PRDM7: variants seen among roughly 807,000 people sequenced by gnomAD.
The protein encoded by PRDM7 is PR/SET domain 7.
A neutral mutation model predicts 64.3 loss-of-function variants in PRDM7; 52 were observed. The observed-to-expected ratio is 0.81, with a 90% CI of 0.65 to 1.02. PRDM7 has a LOEUF of 1.02. PRDM7 is among the 50% of genes least tolerant of loss of function. The pLI, the probability that PRDM7 is intolerant of heterozygous loss-of-function variation, is 0.00. For synonymous variants in PRDM7, 192 were observed against 210.1 expected, an observed-to-expected ratio of 0.91 and a Z score of 0.74; for missense variants, 574 against 597.1, an observed-to-expected ratio of 0.96 and a Z score of 0.40.
intron 7 of PRDM7, 76 bp from the exon 8 acceptor site, chr16:90,062,268 G>A: frequency 6.2e-7 from 1 of 1,613,948 alleles, no homozygotes; most frequent in Non-Finnish European, 8.5e-7. Flanking sequence ...AAAGAGCGTG[G>A]CACTCACATT....
chr16:90,063,962 T>C (rs2037828522), intron 5 of PRDM7, among the ~76,000 whole-genome samples, 194 bp from the exon 6 acceptor site: 1 of 152,214 alleles, frequency 6.6e-6, no homozygotes, highest in Admixed American at 6.5e-5. Flanking sequence ...TAAGGCTCTT[T>C]CCTTCAACTT....
chr16:90,058,858 C>T (rs995088990), intron 10 of PRDM7, among the ~76,000 whole-genome samples: 6 of 152,182 alleles, frequency 3.9e-5, no homozygotes, highest in African/African-American at 1.4e-4. Context: ...CAGGTATCTT[C>T]CAAGTCCTGT....
At chr16:90,066,018 A>C (rs1488837754) in intron 5 of PRDM7, among the ~76,000 whole-genome samples, 2 of 151,250 alleles carry the variant, frequency 1.3e-5, no homozygotes, top group African/African-American at 4.9e-5. Context: ...ATAATTCCAA[A>C]TAACATGACA....
rs565913809 is a variant in PRDM7, at chr16:90,061,934, C to T, written c.869G>A (p.Gly290Glu). The change falls in exon 8 of 11, where the codon GGA (glycine) becomes GAA (glutamate). Residue 290 changes from glycine to glutamate, a missense_variant. Physicochemically the swap from Gly to Glu is moderately conservative, Grantham distance 98. Coordinates refer to ENST00000449207, the MANE Select transcript of PRDM7 (RefSeq NM_001098173.2). ...ITEDEEAANS[G>E]YSWLITKGRN... Reference sequence around the variant, plus strand: ...GGCTCTTCTTACTAGCCAGGAATATCCACTGTTGGCTGCCTCTTCGTCTTC... The same window carrying T: ...GGCTCTTCTTACTAGCCAGGAATATTCACTGTTGGCTGCCTCTTCGTCTTC... 10 of 1,614,268 alleles carry T rather than the reference C, an allele frequency of 6.2e-6. No homozygotes were observed. The highest frequency in any genetic ancestry group is 3.3e-5 in the South Asian group (3 of 91,082).
At position 90,061,459 on chromosome 16, in the gene PRDM7, A is replaced by C. The variant is rs761127755; in HGVS notation, c.943T>G (p.Trp315Gly). 6.2e-7 allele frequency: 1 copy of C among 1,600,080 alleles called. No individual in the cohort carries two copies. Reference sequence around the variant, plus strand: ...GAGACCTAGTGGCCTTACCTCATCCAGTTGGCCGAGGATTTATCTTTTCCA... The same window carrying C: ...GAGACCTAGTGGCCTTACCTCATCCCGTTGGCCGAGGATTTATCTTTTCCA... ...VDGKDKSSAN[W>G]MRYVNCARDD... The change falls in exon 9 of 11, where the codon TGG becomes GGG. Residue 315 changes from tryptophan (W) to glycine (G), a missense_variant. Physicochemically the swap from Trp to Gly is radical, Grantham distance 184. Transcript: ENST00000449207.
intron 8 of PRDM7, 68 bp downstream of exon 8, chr16:90,061,853 G>A: frequency 6.3e-7 from 1 of 1,598,402 alleles, no homozygotes; most frequent in Non-Finnish European, 8.6e-7. Flanking sequence ...TGTAGAAGGT[G>A]ATGTCCCATC....
chr16:90,063,678 C>T lies in PRDM7; in HGVS notation c.442G>A (p.Ala148Thr). 6.2e-7 allele frequency: 1 copy of T among 1,614,142 alleles called. No homozygotes were observed. Among genetic ancestry groups the T allele is most frequent in the Non-Finnish European group, 8.5e-7 (1 of 1,180,032 alleles). ...CCAGGAGGGGACACTGGTTTCTGAG[C>T]CTGCTCTGAGTCACTTGTATTCAGT... ...NLLNTSDSEQ[A>T]QKPVSPPGEA... The change falls in exon 6 of 11, where the codon GCT (alanine) becomes ACT (threonine). Residue 148 changes from alanine to threonine, a missense_variant. Physicochemically the swap from Ala to Thr is moderately conservative, Grantham distance 58 (BLOSUM62 0). Coordinates refer to ENST00000449207, the MANE Select transcript of PRDM7 (RefSeq NM_001098173.2).
At chr16:90,063,071 T>TCCA (rs1290512823) in intron 6 of PRDM7, among the ~76,000 whole-genome samples, 2 of 152,218 alleles carry the variant, frequency 1.3e-5, no homozygotes, top group Non-Finnish European at 2.9e-5. Context: ...TTTATAAGAT[T>TCCA]TGCCCAAGGC....
Position 90,066,908 on chromosome 16 carries a change from T to TA in PRDM7, c.303_304insT (p.Lys102Ter). The TA allele has an allele frequency of 6.3e-7, 1 of 1,595,250 alleles. No individual in the cohort carries two copies. Among genetic ancestry groups the TA allele is most frequent in the Non-Finnish European group, 8.6e-7 (1 of 1,165,384 alleles). On this transcript the variant is annotated frameshift_variant and splice_region_variant, in exon 5 of 11. Transcript: ENST00000449207. LOFTEE classifies it high-confidence loss of function. ...CCTCTGAAGGCCATCCAAGGAGGTTTGACTAAGAGGTGATGAGAAATCAGT... is the reference window on the plus strand; with the variant it reads ...CCTCTGAAGGCCATCCAAGGAGGTTTAGACTAAGAGGTGATGAGAAATCAGT...
chr16:90,067,285 T>C (rs1360313777), intron 4 of PRDM7, among the ~76,000 whole-genome samples: 2 of 151,082 alleles, frequency 1.3e-5, no homozygotes, highest in Non-Finnish European at 2.9e-5. Context: ...AGTTTCTCAT[T>C]AGAGACAGAG....
chr16:90,072,199 C>A (rs1382011484), intron 4 of PRDM7, among the ~76,000 whole-genome samples: 1 of 150,712 alleles, frequency 6.6e-6, no homozygotes, highest in African/African-American at 2.4e-5. Context: ...CCACTGCACT[C>A]CAGCCTGGGC....
At chr16:90,061,165 A>G (rs969132754) in intron 9 of PRDM7, among the ~76,000 whole-genome samples, 2 of 152,244 alleles carry the variant, frequency 1.3e-5, no homozygotes, top group Non-Finnish European at 2.9e-5. Flanking sequence ...TAAGTGTTTA[A>G]CAAATGTGGA....
intron 5 of PRDM7, 94 bp from the exon 6 acceptor site, chr16:90,063,862 C>G (rs2037826160): frequency 1.4e-6 from 2 of 1,463,050 alleles, no homozygotes; most frequent in East Asian, 4.8e-5. Flanking sequence ...AGTTAATGTT[C>G]AAACCTTGGA....
chr16:90,059,550 C>A (rs56864106), intron 10 of PRDM7, among the ~76,000 whole-genome samples: 1 of 152,322 alleles, frequency 6.6e-6, no homozygotes, highest in Admixed American at 6.5e-5. Flanking sequence ...GCACTAGCTG[C>A]GCCCTGTGCC....
At position 90,061,826 on chromosome 16, in the gene PRDM7, C is replaced by G. The variant is rs1053650549; in HGVS notation, c.882+95G>C. On this transcript the variant is annotated intron_variant, in intron 8 of 10. Coordinates refer to ENST00000449207, the MANE Select transcript of PRDM7 (RefSeq NM_001098173.2). ...GTACACAGAGCTAACCATGTTATCC[C>G]TACCTATATCCTAACATGTAGAAGG... 4.5e-6 allele frequency: 7 copies of G among 1,563,536 alleles called. No individual in the cohort carries two copies. The African/African-American group carries it at 9.5e-5, about 21-fold the overall frequency.
In PRDM7 at chr16:90,063,671, T is replaced by G; in HGVS notation, c.449A>C (p.Lys150Thr). Reference protein sequence around the residue: ...LNTSDSEQAQKPVSPPGEAST... With the variant: ...LNTSDSEQAQTPVSPPGEAST... ...TGCTTCTCCAGGAGGGGACACTGGT[T>G]TCTGAGCCTGCTCTGAGTCACTTGT... The change falls in exon 6 of 11, where the codon AAA (lysine) becomes ACA (threonine). Residue 150 changes from lysine to threonine, a missense_variant. Transcript: ENST00000449207. 6.2e-7 allele frequency: 1 copy of G among 1,614,174 alleles called. No homozygotes were observed. Among genetic ancestry groups the G allele is most frequent in the East Asian group, 2.2e-5 (1 of 44,888 alleles).
Position 90,062,086 on chromosome 16 carries a change from G to A in PRDM7, c.717C>T (p.Ala239=). 6.2e-7 allele frequency: 1 copy of A among 1,614,202 alleles called. No individual in the cohort carries two copies. Among genetic ancestry groups the A allele is most frequent in the South Asian group, 1.1e-5 (1 of 91,078 alleles). The stretch of plus-strand genomic sequence containing the variant: ...TTCTCAGCCCCGGGGGCAGACTGAG[G>A]GCTGAACGGTTGGGATGCCCCTTGT... The part of the protein sequence containing the change: ...AVDKGHPNRS[A]LSLPPGLRIG... Residue 239 remains alanine (A), a synonymous_variant, in exon 8 of 11, where the codon GCC becomes GCT. Coordinates refer to ENST00000449207, the MANE Select transcript of PRDM7 (RefSeq NM_001098173.2).
intron 4 of PRDM7, among the ~76,000 whole-genome samples, chr16:90,069,388 T>C (rs1396550215): frequency 1.3e-5 from 2 of 151,384 alleles, no homozygotes; most frequent in Admixed American, 1.3e-4. Flanking sequence ...ATGTAAGGTC[T>C]ATAAGTACAG....
Position 90,060,437 on chromosome 16 carries a change from C to T in PRDM7, c.1137G>A (p.Gln379=). 1 of 1,613,792 alleles carries T rather than the reference C, an allele frequency of 6.2e-7. No individual in the cohort carries two copies. Among genetic ancestry groups the T allele is most frequent in the Non-Finnish European group, 8.5e-7 (1 of 1,179,830 alleles). The change falls in exon 10 of 11, where the codon CAG becomes CAA. Residue 379 remains glutamine (Q), a synonymous_variant. Transcript: ENST00000449207. ...SSIEPAESLG[Q]AVNCWSGMGM... is the part of the protein sequence containing the mutation. ...CCATACCAGACCAGCAGTTCACAGC[C>T]TGGCCTAATGACTCGGCAGGTTCTA...
Sources: allele counts gnomAD v4.1 joint callset (sites outside exome capture counted in the v4.1 genomes callset), GRCh38; gene constraint gnomAD v4.1.1; transcripts MANE v1.5; gene names NCBI Gene and HGNC (gene_info 2026-07-23, HGNC 2026-07-21).